The following KCNIP4 variants were observed in gnomAD, a reference collection of about 807,000 sequenced individuals.
The protein encoded by KCNIP4 is potassium voltage-gated channel interacting protein 4, also known as Kv channel-interacting protein 4.
KCNIP4 carries 12 observed loss-of-function variants against 34.0 expected under a neutral mutation model. The observed-to-expected ratio is 0.35, with a 90% CI of 0.23 to 0.57. The LOEUF (loss-of-function observed/expected upper bound fraction) is 0.57, where lower values mean the gene tolerates loss of function less well. Among genes scored for constraint, KCNIP4 ranks in the 20% least tolerant of loss-of-function variants. KCNIP4 has a pLI of 0.83. For synonymous variants in KCNIP4, 124 were observed against 102.2 expected (o/e 1.21, Z -1.29); for missense variants, 238 against 311.7 (o/e 0.76, Z 1.78).
intron 1 of KCNIP4, among the ~76,000 whole-genome samples, chr4:21,543,245 C>T (rs1737852061): frequency 1.3e-5 from 2 of 151,936 alleles, no homozygotes; most frequent in Admixed American, 1.3e-4. Context: ...CAAGCAAGAA[C>T]CAGGAAAACT....
At chr4:21,091,418 C>T (rs1746985426) in intron 1 of KCNIP4, among the ~76,000 whole-genome samples, 1 of 152,242 alleles carries the variant, frequency 6.6e-6, no homozygotes, top group African/African-American at 2.4e-5. Flanking sequence ...CTTAAGATAA[C>T]AAGGTAATTT....
intron 3 of KCNIP4, among the ~76,000 whole-genome samples, chr4:20,815,834 G>C (rs1344568207): frequency 2.0e-5 from 3 of 152,328 alleles, no homozygotes; most frequent in East Asian, 1.9e-4. Flanking sequence ...CTACGGTTTT[G>C]TAGTGAGACA....
chr4:20,987,721 C>T (rs1045256889), intron 1 of KCNIP4, among the ~76,000 whole-genome samples: 2 of 151,884 alleles, frequency 1.3e-5, no homozygotes, highest in Non-Finnish European at 2.9e-5. Flanking sequence ...AGATATTGGC[C>T]GGGCGCGGTG....
chr4:21,868,186 C>A (rs1725545254), intron 1 of KCNIP4, among the ~76,000 whole-genome samples: 3 of 152,154 alleles, frequency 2.0e-5, no homozygotes. Context: ...AGAACACATT[C>A]ATTCCTGACC....
chr4:20,872,276 A>C (rs1223602148), intron 2 of KCNIP4, among the ~76,000 whole-genome samples: 1 of 152,096 alleles, frequency 6.6e-6, no homozygotes, highest in Non-Finnish European at 1.5e-5. Context: ...AAGATAAATA[A>C]GGTTTTATAC....
chr4:20,819,688 G>C (rs1395393941), intron 3 of KCNIP4, among the ~76,000 whole-genome samples: 1 of 152,204 alleles, frequency 6.6e-6, no homozygotes, highest in Non-Finnish European at 1.5e-5. Context: ...AAGTGATTAT[G>C]TCATGAGTGC....
chr4:20,963,456 G>T (rs1734049798), intron 1 of KCNIP4, among the ~76,000 whole-genome samples: 1 of 151,376 alleles, frequency 6.6e-6, no homozygotes, highest in Non-Finnish European at 1.5e-5. Flanking sequence ...TAAAACTCAG[G>T]GAGTCATGTA....
intron 1 of KCNIP4, among the ~76,000 whole-genome samples, chr4:21,386,712 G>A (rs567923772): frequency 3.1e-4 from 47 of 152,208 alleles, no homozygotes; most frequent in African/African-American, 1.1e-3. Flanking sequence ...CTCAGGTGAG[G>A]GAGGGGACAC....
intron 1 of KCNIP4, among the ~76,000 whole-genome samples, chr4:21,242,314 A>G (rs1759890440): frequency 1.3e-5 from 2 of 152,182 alleles, no homozygotes; most frequent in African/African-American, 4.8e-5. Flanking sequence ...TACATTAAAA[A>G]AAGAAATCTT....
chr4:20,773,274 T>G (rs908928236), intron 3 of KCNIP4, among the ~76,000 whole-genome samples: 3 of 152,196 alleles, frequency 2.0e-5, no homozygotes, highest in Admixed American at 6.5e-5. Flanking sequence ...TTGTTGCAAA[T>G]ACTTGAGAAG....
At chr4:20,966,584 T>C (rs756092290) in intron 1 of KCNIP4, among the ~76,000 whole-genome samples, 1 of 152,208 alleles carries the variant, frequency 6.6e-6, no homozygotes, top group Non-Finnish European at 1.5e-5. Context: ...TCAAGTTACT[T>C]AGCAAATTTG....
intron 1 of KCNIP4, among the ~76,000 whole-genome samples, chr4:21,191,460 C>T (rs1431415678): frequency 6.6e-6 from 1 of 152,164 alleles, no homozygotes; most frequent in African/African-American, 2.4e-5. Context: ...AAACCGCACA[C>T]CAAGCCCTGC....
intron 1 of KCNIP4, among the ~76,000 whole-genome samples, chr4:20,908,938 A>G (rs1728065891): frequency 6.6e-6 from 1 of 152,224 alleles, no homozygotes; most frequent in Non-Finnish European, 1.5e-5. Flanking sequence ...TATTGTTATT[A>G]TTGAGCATAA....
At chr4:21,473,373 T>A (rs1730627226) in intron 1 of KCNIP4, among the ~76,000 whole-genome samples, 1 of 152,186 alleles carries the variant, frequency 6.6e-6, no homozygotes, top group Non-Finnish European at 1.5e-5. Flanking sequence ...CCTTGCCTCC[T>A]AAGAATGACT....
chr4:20,756,390 CT>C (rs1754448609), intron 4 of KCNIP4, among the ~76,000 whole-genome samples: 1 of 152,082 alleles, frequency 6.6e-6, no homozygotes, highest in African/African-American at 2.4e-5. Flanking sequence ...ATTCTGAATC[CT>C]ATTTATCTCT....
intron 1 of KCNIP4, among the ~76,000 whole-genome samples, chr4:21,320,408 A>G (rs1714246552): frequency 6.6e-6 from 1 of 152,174 alleles, no homozygotes; most frequent in Non-Finnish European, 1.5e-5. Context: ...AACTATAGAG[A>G]AGGGCTTGGC....
chr4:21,821,623 T>C (rs1488904163), intron 1 of KCNIP4, among the ~76,000 whole-genome samples: 2 of 152,140 alleles, frequency 1.3e-5, no homozygotes, highest in East Asian at 1.9e-4. Context: ...AAACTCTTCA[T>C]TGCAGAGTGG....
chr4:21,889,356 T>C (rs1183610444), intron 1 of KCNIP4, among the ~76,000 whole-genome samples: 2 of 151,700 alleles, frequency 1.3e-5, no homozygotes, highest in Non-Finnish European at 2.9e-5. Flanking sequence ...TAATTATGTA[T>C]ATGCAAGCAT....
At chr4:21,400,354 G>A (rs1723374029) in intron 1 of KCNIP4, among the ~76,000 whole-genome samples, 2 of 106,978 alleles carry the variant, frequency 1.9e-5, no homozygotes, top group African/African-American at 7.3e-5. Flanking sequence ...GGCCAACTCT[G>A]AAAAAGGTGG....
Sources: gnomAD v4.1 joint callset for allele counts (sites outside exome capture counted in the v4.1 genomes callset) on GRCh38, gnomAD v4.1.1 for gene constraint, MANE v1.5 for transcripts, NCBI Gene and HGNC (gene_info 2026-07-23, HGNC 2026-07-21) for gene names.